ZNF462: variants seen among roughly 807,000 people sequenced by gnomAD.
ZNF462 encodes zinc finger protein 462, also known as zinc finger PBX1-interacting protein.
In ZNF462, 10 loss-of-function variants were observed where a neutral mutation model predicts 201.9. The observed-to-expected ratio is 0.05, with a 90% CI of 0.03 to 0.08. The LOEUF (loss-of-function observed/expected upper bound fraction) is 0.08, where lower values mean the gene tolerates loss of function less well. Among genes scored for constraint, ZNF462 ranks in the 10% least tolerant of loss-of-function variants. The pLI, the probability that ZNF462 is intolerant of heterozygous loss-of-function variation, is 1.00. For synonymous variants in ZNF462, 1,227 were observed against 1,193.3 expected (o/e 1.03, Z -0.58); for missense variants, 2,523 against 3,168.3 (o/e 0.80, Z 4.89).
In ZNF462 at chr9:107,012,564, G is replaced by T. The variant is rs1157785834; in HGVS notation, c.*1534G>T. ...TACATTTATAATATGTTCTGATTGT[G>T]AACAAAGGGTTTCGTTCCAAAAAAT... On this transcript the variant is annotated 3_prime_UTR_variant, in exon 13 of 13. Coordinates refer to ENST00000277225, the MANE Select transcript of ZNF462 (RefSeq NM_021224.6). 6.7e-6 allele frequency: 1 copy of T among 148,884 alleles called. No individual in the cohort carries two copies. The highest frequency in any genetic ancestry group is 1.5e-5 in the Non-Finnish European group (1 of 67,592). The allele number at this position is 148,884 out of a possible 1,614,324, so 9.2% of individuals were successfully genotyped here.
intron 7 of ZNF462, among the ~76,000 whole-genome samples, chr9:106,960,576 G>A (rs1452611039): frequency 1.3e-5 from 2 of 152,094 alleles, no homozygotes; most frequent in African/African-American, 4.8e-5. Context: ...ATTCAAAAGA[G>A]TCACAGGTGA....
At position 106,984,916 on chromosome 9, in the gene ZNF462, C is replaced by G. The variant is rs1260893141; in HGVS notation, c.7056+507C>G. 6.6e-6 allele frequency among the ~76,000 whole-genome samples: 1 copy of G among 152,068 alleles called. No individual in the cohort carries two copies. Among genetic ancestry groups the G allele is most frequent in the Non-Finnish European group, 1.5e-5 (1 of 68,028 alleles). ...CAGCCATGCTGGAGTTCAAGACCAG[C>G]CTGGGCAACATGGCGAAACCCCATC... is the stretch of plus-strand genomic sequence containing the variant. On this transcript the variant is annotated intron_variant, in intron 10 of 12. Coordinates refer to ENST00000277225, the MANE Select transcript of ZNF462 (RefSeq NM_021224.6). This position sits in a 1 kb window ranked among gnomAD's most constrained non-coding sequence, Gnocchi z 6.4.
chr9:106,932,805 G>T lies in ZNF462; in HGVS notation c.6116+256G>T. 1 of 585,092 alleles carries T rather than the reference G, an allele frequency of 1.7e-6. No homozygotes were observed. Among genetic ancestry groups the T allele is most frequent in the Non-Finnish European group, 3.0e-6 (1 of 330,430 alleles). 36.2% of individuals were successfully genotyped at this position (585,092 alleles called of 1,614,324 possible). ...GAGGAATTGCTATGATTTACCCAAA[G>T]GTAAAATGGCATCTGTGGAGAGTAG... On this transcript the variant is annotated intron_variant, in intron 5 of 12. Transcript: ENST00000277225. This position sits in a 1 kb window ranked among gnomAD's most constrained non-coding sequence, Gnocchi z 6.8.
At chr9:106,871,108 G>C (rs535405392) in intron 1 of ZNF462, among the ~76,000 whole-genome samples, 1 of 152,136 alleles carries the variant, frequency 6.6e-6, no homozygotes, top group Non-Finnish European at 1.5e-5. Context: ...TTGTTCAGTG[G>C]CACAATGTGG....
chr9:106,886,361 C>T lies in ZNF462; in HGVS notation c.-31+23006C>T, dbSNP rs553843976. ...AGCTGTGTGAATGTGCTGCCTATTT[C>T]GAAAGTTGATAATGACTCAAGGGTA... On this transcript the variant is annotated intron_variant, in intron 1 of 12. Transcript: ENST00000277225. This position sits in a 1 kb window ranked among gnomAD's most constrained non-coding sequence, Gnocchi z 4.6. Among the ~76,000 whole-genome samples the T allele has an allele frequency of 8.5e-5, 13 of 152,210 alleles. No homozygotes were observed. In the South Asian group the frequency reaches 1.0e-3, roughly 12 times the overall value.
At chr9:106,948,161 G>A (rs985348704) in intron 7 of ZNF462, among the ~76,000 whole-genome samples, 2 of 152,130 alleles carry the variant, frequency 1.3e-5, no homozygotes, top group Admixed American at 6.6e-5. Context: ...AGGATCCTGG[G>A]ACTGCAAAAA....
chr9:106,970,511 T>C lies in ZNF462; in HGVS notation c.6428-1494T>C, dbSNP rs1053904249. On this transcript the variant is annotated intron_variant, in intron 7 of 12. Transcript: ENST00000277225. This position sits in a 1 kb window ranked among gnomAD's most constrained non-coding sequence, Gnocchi z 4.2. ...TAGAGAATTCCTCCATGTCCTGCCT[T>C]AGGGAATTATGCTTTGGAAAATTAA... Among the ~76,000 whole-genome samples, 1 of 152,182 alleles carries C rather than the reference T, an allele frequency of 6.6e-6. No individual in the cohort carries two copies. The highest frequency in any genetic ancestry group is 2.4e-5 in the African/African-American group (1 of 41,444).
Position 106,905,540 on chromosome 9 carries a change from G to A in ZNF462, c.-30-17814G>A, listed in dbSNP as rs1829233245. ...TAGGGTGGGTAGGGAAGGACCATCAGGTAGGGTGGGGAGAGATGTGTCTGA... is the reference window on the plus strand; with the variant it reads ...TAGGGTGGGTAGGGAAGGACCATCAAGTAGGGTGGGGAGAGATGTGTCTGA... On this transcript the variant is annotated intron_variant, in intron 1 of 12. Transcript: ENST00000277225. This position sits in a 1 kb window ranked among gnomAD's most constrained non-coding sequence, Gnocchi z 5.9. 1.3e-5 allele frequency among the ~76,000 whole-genome samples: 2 copies of A among 152,182 alleles called. No individual in the cohort carries two copies. Among genetic ancestry groups the A allele is most frequent in the Non-Finnish European group, 2.9e-5 (2 of 68,034 alleles).
rs1184957035 is a variant in ZNF462, at chr9:106,929,233, T to A, written c.5321T>A (p.Phe1774Tyr). The A allele has an allele frequency of 5.6e-6, 9 of 1,614,108 alleles. 1 individual carries two copies. The South Asian group carries it at 9.9e-5, about 18-fold the overall frequency. ...AAGAAAAAGTGCTCCTTGTGCTCTT[T>A]CCAGTCGTTCAGCAAGAAGGGCATC... ...VEKKKCSLCS[F>Y]QSFSKKGIVS... is the part of the protein sequence containing the mutation. The change falls in exon 3 of 13, where the codon TTC becomes TAC. Residue 1774 changes from phenylalanine to tyrosine, a missense_variant. Phe to Tyr is a conservative substitution (Grantham distance 22). Around this residue, in one of 15 missense-constraint regions of ZNF462, gnomAD observed 207 missense variants for 231.6 expected, o/e 0.89. Coordinates refer to ENST00000277225, the MANE Select transcript of ZNF462 (RefSeq NM_021224.6). This position sits in a 1 kb window ranked among gnomAD's most constrained non-coding sequence, Gnocchi z 8.7.
Position 106,968,522 on chromosome 9 carries a change from A to G in ZNF462, c.6428-3483A>G, listed in dbSNP as rs990498671. ...AGTCAGAGAATAAAACTCTTTTCTC[A>G]GACTGTATGTGTCAGGGTTGGTTGG... On this transcript the variant is annotated intron_variant, in intron 7 of 12. Transcript: ENST00000277225. The surrounding 1 kb of genome is among the most constrained non-coding windows in gnomAD (Gnocchi z 4.0). Among the ~76,000 whole-genome samples, 1 of 151,858 alleles carries G rather than the reference A, an allele frequency of 6.6e-6. No individual in the cohort carries two copies. Among genetic ancestry groups the G allele is most frequent in the Admixed American group, 6.5e-5 (1 of 15,272 alleles).
chr9:106,900,203 C>CGT (rs3056258), intron 1 of ZNF462, among the ~76,000 whole-genome samples: 5,020 of 134,636 alleles, frequency 0.037, 94 homozygotes, highest in South Asian at 0.07. Flanking sequence ...AGTATTCCAT[C>CGT]GTGTGTGTGT....
chr9:106,987,740 G>A (rs1278983167), intron 10 of ZNF462, among the ~76,000 whole-genome samples: 1 of 152,110 alleles, frequency 6.6e-6, no homozygotes, highest in African/African-American at 2.4e-5. Context: ...CCTTGCCTAA[G>A]CCAGTGTCTA....
At chr9:106,992,394 T>C (rs1003766538) in intron 10 of ZNF462, among the ~76,000 whole-genome samples, 1 of 152,118 alleles carries the variant, frequency 6.6e-6, no homozygotes, top group Non-Finnish European at 1.5e-5. Context: ...ACATTGCTGA[T>C]TGGAATGTAA....
intron 7 of ZNF462, among the ~76,000 whole-genome samples, chr9:106,947,462 T>G (rs1191027813): frequency 3.3e-5 from 5 of 152,242 alleles, no homozygotes; most frequent in Non-Finnish European, 7.3e-5. Flanking sequence ...GTGTTGATTT[T>G]TAGCACTGCT....
In ZNF462 at chr9:106,962,707, A is replaced by G. The variant is rs772913501; in HGVS notation, c.6428-9298A>G. On this transcript the variant is annotated intron_variant, in intron 7 of 12. Transcript: ENST00000277225. This position sits in a 1 kb window ranked among gnomAD's most constrained non-coding sequence, Gnocchi z 4.6. ...TTTTGTTTTTACTCATCAGAATGAC[A>G]GGAAGTTTTCAGTGTGTGTTTCCTT... Among the ~76,000 whole-genome samples, 28 of 152,010 alleles carry G rather than the reference A, an allele frequency of 1.8e-4. No homozygotes were observed. The highest frequency in any genetic ancestry group is 3.5e-4 in the Non-Finnish European group (24 of 67,970).
chr9:107,002,286 G>A (rs1201678536), intron 10 of ZNF462, among the ~76,000 whole-genome samples: 1 of 152,108 alleles, frequency 6.6e-6, no homozygotes, highest in African/African-American at 2.4e-5. Context: ...GCCTCTGGAG[G>A]CCAGAACCAG....
intron 10 of ZNF462, among the ~76,000 whole-genome samples, chr9:107,001,824 C>T (rs1829207802): frequency 6.6e-6 from 1 of 152,070 alleles, no homozygotes; most frequent in African/African-American, 2.4e-5. Flanking sequence ...GTCTTGTCCA[C>T]CCCCATGTTG....
chr9:106,937,865 C>T (rs1385182082), intron 6 of ZNF462, among the ~76,000 whole-genome samples: 1 of 152,056 alleles, frequency 6.6e-6, no homozygotes, highest in Non-Finnish European at 1.5e-5. Flanking sequence ...CTTTTTCAAG[C>T]ATAAATGATG....
chr9:106,987,066 C>G (rs966224089), intron 10 of ZNF462, among the ~76,000 whole-genome samples: 2 of 152,028 alleles, frequency 1.3e-5, no homozygotes, highest in Non-Finnish European at 2.9e-5. Context: ...CACTTGTTGA[C>G]TGATGGGCAT....
Sources: gnomAD v4.1 joint callset for allele counts (sites outside exome capture counted in the v4.1 genomes callset) on GRCh38, gnomAD v4.1.1 for gene constraint, gnomAD v4.1.1 regional missense constraint, Gnocchi (gnomAD v3.1) non-coding constraint, MANE v1.5 for transcripts, NCBI Gene and HGNC (gene_info 2026-07-23, HGNC 2026-07-21) for gene names.